Variants in GATAD2A observed in about 807,000 individuals in gnomAD.
GATAD2A encodes the protein transcriptional repressor p66-alpha.
In GATAD2A, 12 loss-of-function variants were observed where a neutral mutation model predicts 68.5. The observed-to-expected ratio is 0.18, with a 90% CI of 0.11 to 0.28. The LOEUF (loss-of-function observed/expected upper bound fraction) is 0.28, where lower values mean the gene tolerates loss of function less well. Among genes scored for constraint, GATAD2A ranks in the 10% least tolerant of loss-of-function variants. The pLI, the probability that GATAD2A is intolerant of heterozygous loss-of-function variation, is 1.00. For missense variants in GATAD2A, 755 were observed against 868.5 expected, an observed-to-expected ratio of 0.87 and a Z score of 1.64; for synonymous variants, 410 against 375.3, an observed-to-expected ratio of 1.09 and a Z score of -1.07.
chr19:19,494,532 C>T (rs2060016247), intron 5 of GATAD2A, 149 bp downstream of exon 5: 2 of 582,128 alleles, frequency 3.4e-6, no homozygotes, highest in Non-Finnish European at 6.2e-6. Context: ...CCCTCCAGCC[C>T]ACAGCCTAGG....
upstream of GATAD2A, among the ~76,000 whole-genome samples, chr19:19,404,487 T>C (rs2050013769): frequency 6.6e-6 from 1 of 152,010 alleles, no homozygotes. Flanking sequence ...GAGACCATCC[T>C]GGCCAAGATG....
intron 2 of GATAD2A, among the ~76,000 whole-genome samples, chr19:19,490,809 G>A (rs569572553): frequency 5.9e-5 from 9 of 152,196 alleles, no homozygotes; most frequent in Admixed American, 2.0e-4. Context: ...CACCTGAACC[G>A]GGGAGGTGGA....
At chr19:19,494,748 T>C (rs1167787741) in intron 5 of GATAD2A, among the ~76,000 whole-genome samples, 1 of 152,180 alleles carries the variant, frequency 6.6e-6, no homozygotes, top group East Asian at 1.9e-4. Context: ...CTCCCAGCCA[T>C]ATGGCTGAGG....
Position 19,507,035 on chromosome 19 carries a change from A to G in GATAD2A, c.*1561A>G, listed in dbSNP as rs1397907798. 2 of 152,118 alleles carry G rather than the reference A, an allele frequency of 1.3e-5. No individual in the cohort carries two copies. Among genetic ancestry groups the G allele is most frequent in the Non-Finnish European group, 2.9e-5 (2 of 68,042 alleles). The allele number at this position is 152,118 out of a possible 1,614,324, so 9.4% of individuals were successfully genotyped here. On this transcript the variant is annotated 3_prime_UTR_variant, in exon 12 of 12. Transcript: ENST00000683918. ...TAGGAAACTTTTTTTGACACAGCAT[A>G]GAAGACCTAGTTTTGGAAAACATTA...
At chr19:19,502,154 T>C (rs1378375154) in intron 10 of GATAD2A, 111 bp downstream of exon 10, 1 of 929,868 alleles carries the variant, frequency 1.1e-6, no homozygotes, top group East Asian at 2.5e-5. Context: ...TGTTTCTGTT[T>C]CACTCTCTCC....
At chr19:19,503,814 T>TG (rs2144525593) in intron 11 of GATAD2A, among the ~76,000 whole-genome samples, 1 of 152,270 alleles carries the variant, frequency 6.6e-6, no homozygotes, top group Non-Finnish European at 1.5e-5. Flanking sequence ...AGGACCCAGT[T>TG]GCCAGGTTTC....
chr19:19,403,468 T>C (rs1316644902), upstream of GATAD2A, among the ~76,000 whole-genome samples: 3 of 152,078 alleles, frequency 2.0e-5, no homozygotes, highest in Non-Finnish European at 2.9e-5. Context: ...GGCTGAGAAG[T>C]TGGCACTGCC....
intron 2 of GATAD2A, among the ~76,000 whole-genome samples, chr19:19,485,608 C>T (rs536814831): frequency 2.9e-4 from 44 of 152,338 alleles, no homozygotes; most frequent in African/African-American, 1.1e-3. Flanking sequence ...TGCAAGGCTT[C>T]TGTGACCTCA....
intron 2 of GATAD2A, among the ~76,000 whole-genome samples, chr19:19,484,532 CTTTT>C (rs897099165): frequency 1.2e-5 from 1 of 86,956 alleles, no homozygotes. Flanking sequence ...TTTTTTTTTT[CTTTT>C]TTTTTTTTTT....
chr19:19,440,810 T>C (rs2054932639), intron 1 of GATAD2A, among the ~76,000 whole-genome samples: 1 of 152,230 alleles, frequency 6.6e-6, no homozygotes, highest in African/African-American at 2.4e-5. Flanking sequence ...CTCTCAGAAC[T>C]TATTTCTGAT....
intron 1 of GATAD2A, among the ~76,000 whole-genome samples, chr19:19,426,815 C>G (rs1179317243): frequency 6.6e-6 from 1 of 152,176 alleles, no homozygotes; most frequent in Non-Finnish European, 1.5e-5. Context: ...CCCCCGGCCT[C>G]CAGTGCTTTC....
Position 19,502,352 on chromosome 19 carries a change from G to A in GATAD2A, c.1600G>A (p.Gly534Ser). The change falls in exon 11 of 12, where the codon GGT becomes AGT. Residue 534 changes from glycine to serine, a missense_variant. Transcript: ENST00000683918. Reference protein sequence around the residue: ...VLQASSQLSRGSATTPRGVLH... With the variant: ...VLQASSQLSRSSATTPRGVLH... ...GCAGGCCTCCAGCCAGCTGTCCCGG[G>A]GTTCGGCCACGACGCCCCGAGGTGT... The A allele has an allele frequency of 6.2e-7, 1 of 1,612,402 alleles. No homozygotes were observed. The highest frequency in any genetic ancestry group is 8.5e-7 in the Non-Finnish European group (1 of 1,179,308).
At chr19:19,437,932 A>G (rs1386869634) in intron 1 of GATAD2A, among the ~76,000 whole-genome samples, 2 of 152,216 alleles carry the variant, frequency 1.3e-5, no homozygotes, top group South Asian at 2.1e-4. Context: ...TCTTCTTAGT[A>G]TATACTTAGG....
At chr19:19,399,286 C>T (rs985750428) in intron 1 of GATAD2A, among the ~76,000 whole-genome samples, 18 of 151,930 alleles carry the variant, frequency 1.2e-4, no homozygotes, top group Non-Finnish European at 1.6e-4. Context: ...CTGTTGCCCA[C>T]GCTGGAGCGC....
intron 1 of GATAD2A, among the ~76,000 whole-genome samples, chr19:19,439,560 A>C (rs2054751838): frequency 6.6e-6 from 1 of 152,178 alleles, no homozygotes; most frequent in Admixed American, 6.6e-5. Flanking sequence ...TAGCAAAAGG[A>C]CAAGTGGTCA....
Position 19,506,459 on chromosome 19 carries a change from C to G in GATAD2A, c.*985C>G, listed in dbSNP as rs2060871791. 4.3e-6 allele frequency: 1 copy of G among 230,816 alleles called. No homozygotes were observed. The highest frequency in any genetic ancestry group is 2.2e-5 in the African/African-American group (1 of 44,670). The allele number at this position is 230,816 out of a possible 1,614,324, so 14.3% of individuals were successfully genotyped here. ...GCAATCTTAAGCCACCCTGGCCTTGCTCCTGGGAGGTGAGCGTGCACAGGT... is the reference window on the plus strand; with the variant it reads ...GCAATCTTAAGCCACCCTGGCCTTGGTCCTGGGAGGTGAGCGTGCACAGGT... On this transcript the variant is annotated 3_prime_UTR_variant, in exon 12 of 12. Coordinates refer to ENST00000683918, the MANE Select transcript of GATAD2A (RefSeq NM_001384528.1).
At chr19:19,389,558 A>G (rs1488439743) in intron 1 of GATAD2A, among the ~76,000 whole-genome samples, 1 of 152,154 alleles carries the variant, frequency 6.6e-6, no homozygotes, top group Non-Finnish European at 1.5e-5. Flanking sequence ...AAGTGCTTGG[A>G]GACTTTCCTG....
At chr19:19,480,344 TG>T (rs2058969803) in intron 2 of GATAD2A, among the ~76,000 whole-genome samples, 1 of 152,246 alleles carries the variant, frequency 6.6e-6, no homozygotes, top group African/African-American at 2.4e-5. Flanking sequence ...GATTTGTCAA[TG>T]TCACCACCTA....
chr19:19,497,806 A>C (rs771645700), intron 7 of GATAD2A, among the ~76,000 whole-genome samples: 1 of 152,182 alleles, frequency 6.6e-6, no homozygotes, highest in Non-Finnish European at 1.5e-5. Flanking sequence ...GGAGAGCCCT[A>C]TCCAGCAGTT....
Sources: gnomAD v4.1 joint callset for allele counts (sites outside exome capture counted in the v4.1 genomes callset) on GRCh38, gnomAD v4.1.1 for gene constraint, MANE v1.5 for transcripts, NCBI Gene and HGNC (gene_info 2026-07-23, HGNC 2026-07-21) for gene names.